The following CASK variants were observed in gnomAD, a reference collection of about 807,000 sequenced individuals.
CASK encodes the protein peripheral plasma membrane protein CASK.
In CASK, 4 loss-of-function variants were observed where a neutral mutation model predicts 82.9. The ratio of observed to expected loss-of-function variants is 0.05; its 90% CI spans 0.02 to 0.11. The LOEUF (loss-of-function observed/expected upper bound fraction) is 0.11, where lower values mean the gene tolerates loss of function less well. Among genes scored for constraint, CASK ranks in the 10% least tolerant of loss-of-function variants. CASK has a pLI of 1.00. For missense variants in CASK, 358 were observed against 720.9 expected (o/e 0.50, Z 5.76); for synonymous variants, 259 against 253.5 (o/e 1.02, Z -0.20).
chrX:41,523,857 T>C, intron 26 of CASK, 94 bp downstream of exon 26: 1 of 658,198 alleles, frequency 1.5e-6, no homozygotes, highest in African/African-American at 2.1e-5. Context: ...CAGAGCAGCC[T>C]TGCTGCAAAT....
At chrX:41,596,308 T>C (rs966383448) in intron 12 of CASK, among the ~76,000 whole-genome samples, 3 of 111,876 alleles carry the variant, frequency 2.7e-5, no homozygotes, top group Non-Finnish European at 5.6e-5. Flanking sequence ...CCCTGTTGTG[T>C]TGTATGAGGG....
chrX:41,775,532 T>C (rs1602604821), intron 3 of CASK, among the ~76,000 whole-genome samples: 1 of 105,741 alleles, frequency 9.5e-6, no homozygotes, highest in East Asian at 2.9e-4. Flanking sequence ...ATCCCATTAC[T>C]GGGTATATAC....
At chrX:41,776,116 A>T (rs190121786) in intron 3 of CASK, among the ~76,000 whole-genome samples, 1 of 112,720 alleles carries the variant, frequency 8.9e-6, no homozygotes, top group African/African-American at 3.2e-5. Context: ...GTTATTTATT[A>T]TCATTATCAA....
rs140908404 is a variant in CASK, at chrX:41,750,125, A to G, written c.279-4524T>C. On this transcript the variant is annotated intron_variant, in intron 3 of 26. Transcript: ENST00000378163. Reference sequence around the variant, plus strand: ...ACTGTGAAAATATTTTTCTATTATTAAAGCTATTTGATTATTTATAATATT... The same window carrying G: ...ACTGTGAAAATATTTTTCTATTATTGAAGCTATTTGATTATTTATAATATT... Among the ~76,000 whole-genome samples the G allele has an allele frequency of 9.7e-3, 1,086 of 111,914 alleles. 16 individuals are homozygous for G. The highest frequency in any genetic ancestry group is 0.033 in the African/African-American group (1,033 of 30,870).
chrX:41,884,027 G>C (rs781059361), intron 1 of CASK, among the ~76,000 whole-genome samples: 67 of 111,756 alleles, frequency 6.0e-4, no homozygotes, highest in African/African-American at 2.1e-3. Flanking sequence ...ATCAGTGGCC[G>C]CAGTTCCCGC....
intron 2 of CASK, among the ~76,000 whole-genome samples, chrX:41,792,382 C>A (rs1300719825): frequency 9.3e-6 from 1 of 107,610 alleles, no homozygotes; most frequent in Non-Finnish European, 1.9e-5. Flanking sequence ...CCTTGAACTC[C>A]TGGGCTCAAG....
At chrX:41,729,749 C>CAAA (rs1162361118) in intron 5 of CASK, 3 of 14,116 alleles carry the variant, frequency 2.1e-4, no homozygotes, top group Non-Finnish European at 2.4e-4. Context: ...GACTCTGTCT[C>CAAA]AAAAAAAAAA....
intron 11 of CASK, among the ~76,000 whole-genome samples, chrX:41,611,149 C>T (rs1182278098): frequency 1.8e-5 from 2 of 111,282 alleles, no homozygotes; most frequent in Non-Finnish European, 3.8e-5. Context: ...CAGGACAGCC[C>T]CCACAACAAA....
At chrX:41,743,555 C>T (rs1231662288) in intron 4 of CASK, 2 of 287,394 alleles carry the variant, frequency 7.0e-6, no homozygotes, top group African/African-American at 5.5e-5. Context: ...ACAGCGACCA[C>T]ACATTGAGCA....
intron 21 of CASK, among the ~76,000 whole-genome samples, chrX:41,551,933 T>C: frequency 9.3e-6 from 1 of 107,182 alleles, no homozygotes; most frequent in Non-Finnish European, 1.9e-5. Flanking sequence ...CAGTACCTTT[T>C]TTTATTTCCC....
chrX:41,527,290 C>T (rs1376874539), intron 25 of CASK, among the ~76,000 whole-genome samples: 1 of 108,183 alleles, frequency 9.2e-6, no homozygotes, highest in African/African-American at 3.5e-5. Context: ...GAGAGAGAAA[C>T]AGGGACAGAT....
intron 25 of CASK, among the ~76,000 whole-genome samples, chrX:41,526,194 T>A (rs1346563991): frequency 9.0e-6 from 1 of 111,411 alleles, no homozygotes; most frequent in African/African-American, 3.3e-5. Context: ...ATCAGGTGAA[T>A]ACAGGGTCAG....
intron 12 of CASK, among the ~76,000 whole-genome samples, chrX:41,590,375 T>C (rs1290572770): frequency 9.4e-6 from 1 of 106,712 alleles, no homozygotes; most frequent in Non-Finnish European, 1.9e-5. Context: ...CCGGGCATAG[T>C]GGTGGGCGCC....
chrX:41,917,571 C>T (rs2072714388), intron 1 of CASK, among the ~76,000 whole-genome samples: 1 of 112,001 alleles, frequency 8.9e-6, no homozygotes, highest in Non-Finnish European at 1.9e-5. Flanking sequence ...AATTTAGGGA[C>T]ACTTGAGACG....
At chrX:41,528,999 G>C (rs1294075622) in intron 25 of CASK, among the ~76,000 whole-genome samples, 1 of 112,578 alleles carries the variant, frequency 8.9e-6, no homozygotes, top group Non-Finnish European at 1.9e-5. Flanking sequence ...CCTGGGACCA[G>C]TGTAGTCAAC....
intron 12 of CASK, among the ~76,000 whole-genome samples, chrX:41,605,968 T>G (rs1413384029): frequency 9.0e-6 from 1 of 111,688 alleles, no homozygotes; most frequent in Non-Finnish European, 1.9e-5. Flanking sequence ...AGTGAGCCAC[T>G]GCACCCAGAC....
chrX:41,671,684 T>C (rs1312342237), intron 5 of CASK, among the ~76,000 whole-genome samples, 154 bp from the exon 6 acceptor site: 1 of 112,265 alleles, frequency 8.9e-6, no homozygotes, highest in Non-Finnish European at 1.9e-5. Flanking sequence ...CTTGAATTAT[T>C]TGTCATATTC....
chrX:41,690,493 C>T (rs1348207987), intron 5 of CASK, among the ~76,000 whole-genome samples: 1 of 107,279 alleles, frequency 9.3e-6, no homozygotes, highest in Non-Finnish European at 1.9e-5. Flanking sequence ...ACTACAGGTG[C>T]GTGCCACCAC....
At chrX:41,875,050 T>A (rs2071786509) in intron 1 of CASK, among the ~76,000 whole-genome samples, 1 of 112,703 alleles carries the variant, frequency 8.9e-6, no homozygotes, top group Non-Finnish European at 1.9e-5. Context: ...TCAACCACAG[T>A]GTATAACACT....
Sources: gnomAD v4.1 joint callset for allele counts (sites outside exome capture counted in the v4.1 genomes callset) on GRCh38, gnomAD v4.1.1 for gene constraint, MANE v1.5 for transcripts, NCBI Gene and HGNC (gene_info 2026-07-23, HGNC 2026-07-21) for gene names.